ULK4: variants seen among roughly 807,000 people sequenced by gnomAD.
ULK4 encodes unc-51 like kinase 4.
Under a neutral mutation model 160.6 loss-of-function variants are expected in ULK4, and 133 were observed. The ratio of observed to expected loss-of-function variants is 0.83; its 90% CI spans 0.72 to 0.96. ULK4 has a LOEUF of 0.96. ULK4 is among the 40% of genes least tolerant of loss of function. The pLI, the probability that ULK4 is intolerant of heterozygous loss-of-function variation, is 0.00. For missense variants in ULK4, 1,580 were observed against 1,499.5 expected, an observed-to-expected ratio of 1.05 and a Z score of -0.89; for synonymous variants, 534 against 539.8, an observed-to-expected ratio of 0.99 and a Z score of 0.15.
At chr3:41,328,585 T>G (rs2080381285) in intron 35 of ULK4, among the ~76,000 whole-genome samples, 1 of 152,152 alleles carries the variant, frequency 6.6e-6, no homozygotes, top group African/African-American at 2.4e-5. Flanking sequence ...TAGATTCCAC[T>G]GGTAGAAGTT....
chr3:41,569,728 CT>C (rs2087905579), intron 31 of ULK4, among the ~76,000 whole-genome samples: 1 of 152,124 alleles, frequency 6.6e-6, no homozygotes, highest in South Asian at 2.1e-4. Context: ...CTCACCAAAG[CT>C]TGATCTATGC....
intron 30 of ULK4, among the ~76,000 whole-genome samples, chr3:41,628,385 C>T (rs2033612059): frequency 1.3e-5 from 2 of 152,152 alleles, no homozygotes; most frequent in African/African-American, 4.8e-5. Context: ...AGTTTCACAT[C>T]ACAGTCATAA....
intron 34 of ULK4, among the ~76,000 whole-genome samples, chr3:41,410,216 A>G (rs1330850487): frequency 1.3e-5 from 2 of 152,216 alleles, no homozygotes; most frequent in East Asian, 1.9e-4. Context: ...TTACATAACA[A>G]TTTGTACACA....
chr3:41,422,965 T>C (rs2082694493), intron 34 of ULK4, among the ~76,000 whole-genome samples: 1 of 152,196 alleles, frequency 6.6e-6, no homozygotes, highest in Non-Finnish European at 1.5e-5. Context: ...TAAACCATTG[T>C]ACATTCATAC....
chr3:41,548,134 C>G (rs1381247905), intron 32 of ULK4, among the ~76,000 whole-genome samples: 1 of 152,176 alleles, frequency 6.6e-6, no homozygotes, highest in Non-Finnish European at 1.5e-5. Flanking sequence ...ATACAGGAAC[C>G]TGGGGAATGC....
Position 41,792,933 on chromosome 3 carries a change from G to A in ULK4, c.2011-3090C>T, listed in dbSNP as rs2040193526. ...CTCACGCCTGCAATCCCAGCACTCA[G>A]GGAGGCTGATGCAGGCGGATCACAA... is the stretch of plus-strand genomic sequence containing the variant. On this transcript the variant is annotated intron_variant, in intron 20 of 36. Transcript: ENST00000301831. Among the ~76,000 whole-genome samples the A allele has an allele frequency of 1.3e-5, 2 of 152,248 alleles. 1 individual carries two copies. The highest frequency in any genetic ancestry group is 4.1e-4 in the South Asian group (2 of 4,838).
chr3:41,771,151 G>A (rs372042065), intron 21 of ULK4, among the ~76,000 whole-genome samples: 7 of 152,118 alleles, frequency 4.6e-5, no homozygotes, highest in African/African-American at 1.4e-4. Flanking sequence ...ACTCCCTTGC[G>A]TGCCTAAATC....
intron 32 of ULK4, among the ~76,000 whole-genome samples, chr3:41,489,560 C>A (rs2084671947): frequency 6.6e-6 from 1 of 152,174 alleles, no homozygotes; most frequent in Admixed American, 6.5e-5. Context: ...CTGGCACAAT[C>A]TTTTCTCCCC....
chr3:41,345,305 T>G (rs2080776778), intron 35 of ULK4, among the ~76,000 whole-genome samples: 1 of 152,196 alleles, frequency 6.6e-6, no homozygotes, highest in African/African-American at 2.4e-5. Flanking sequence ...AATCATTTTG[T>G]TATAAAGATA....
At chr3:41,399,870 G>A (rs1031197100) in intron 34 of ULK4, among the ~76,000 whole-genome samples, 1 of 152,152 alleles carries the variant, frequency 6.6e-6, no homozygotes, top group Non-Finnish European at 1.5e-5. Context: ...CCTCCAAAGT[G>A]CTGAGAGTAC....
intron 35 of ULK4, among the ~76,000 whole-genome samples, chr3:41,373,597 A>G (rs2081418036): frequency 6.6e-6 from 1 of 152,230 alleles, no homozygotes; most frequent in Non-Finnish European, 1.5e-5. Flanking sequence ...ATGAGAATAA[A>G]GACACAATGT....
intron 30 of ULK4, among the ~76,000 whole-genome samples, chr3:41,649,259 C>A (rs1243050160): frequency 6.6e-6 from 1 of 152,176 alleles, no homozygotes; most frequent in African/African-American, 2.4e-5. Context: ...GGAGCGGCCT[C>A]TCCAAAGATG....
chr3:41,288,355 A>T (rs1221985244), intron 35 of ULK4, among the ~76,000 whole-genome samples: 1 of 152,192 alleles, frequency 6.6e-6, no homozygotes, highest in African/African-American at 2.4e-5. Flanking sequence ...AGCTAATCCC[A>T]GTAAAGTGAT....
At chr3:41,576,200 G>A (rs2088183896) in intron 31 of ULK4, among the ~76,000 whole-genome samples, 2 of 152,208 alleles carry the variant, frequency 1.3e-5, no homozygotes, top group South Asian at 4.1e-4. Context: ...AATAAAAATA[G>A]CAATAACAAA....
chr3:41,790,653 A>T (rs1260001205), intron 20 of ULK4, among the ~76,000 whole-genome samples: 1 of 152,216 alleles, frequency 6.6e-6, no homozygotes, highest in Middle Eastern at 3.2e-3. Flanking sequence ...TCACATGGAG[A>T]CATAAAGACG....
At chr3:41,931,046 G>A (rs1699577220) in intron 5 of ULK4, among the ~76,000 whole-genome samples, 1 of 152,170 alleles carries the variant, frequency 6.6e-6, no homozygotes, top group South Asian at 2.1e-4. Flanking sequence ...GTTTATTGCG[G>A]CACTATTCAC....
intron 35 of ULK4, among the ~76,000 whole-genome samples, chr3:41,366,172 G>A (rs754713413): frequency 3.9e-5 from 6 of 152,116 alleles, no homozygotes; most frequent in Non-Finnish European, 4.4e-5. Flanking sequence ...GACAGCCCTG[G>A]GCAACACAGA....
chr3:41,602,103 A>C (rs770034459), intron 31 of ULK4, among the ~76,000 whole-genome samples: 5 of 151,964 alleles, frequency 3.3e-5, no homozygotes, highest in Non-Finnish European at 7.4e-5. Context: ...GGCTGAGGTA[A>C]TAGGATCACT....
intron 22 of ULK4, among the ~76,000 whole-genome samples, chr3:41,736,042 T>C (rs1276072260): frequency 5.3e-5 from 8 of 151,744 alleles, no homozygotes; most frequent in Non-Finnish European, 1.0e-4. Context: ...TATGGCTGTA[T>C]AGTATTCCAT....
Sources: allele counts gnomAD v4.1 joint callset (sites outside exome capture counted in the v4.1 genomes callset), GRCh38; gene constraint gnomAD v4.1.1; transcripts MANE v1.5; gene names NCBI Gene and HGNC (gene_info 2026-07-23, HGNC 2026-07-21).